STYX: variants seen among roughly 807,000 people sequenced by gnomAD.
The protein encoded by STYX is serine/threonine/tyrosine interacting protein.
In STYX, 20 loss-of-function variants were observed where a neutral mutation model predicts 42.7. That is an observed-to-expected ratio of 0.47 (90% confidence interval 0.33 to 0.68). The LOEUF (loss-of-function observed/expected upper bound fraction) is 0.68. Among genes scored for constraint, STYX ranks in the 30% least tolerant of loss-of-function variants. The pLI, the probability that STYX is intolerant of heterozygous loss-of-function variation, is 0.02. For missense variants in STYX, 226 were observed against 268.5 expected (o/e 0.84, Z 1.11); for synonymous variants, 78 against 81.9 (o/e 0.95, Z 0.26).
Position 52,774,457 on chromosome 14 carries a change from C to T in STYX, c.*3351C>T, listed in dbSNP as rs907793481. 1 of 151,704 alleles carries T rather than the reference C, an allele frequency of 6.6e-6. No individual in the cohort carries two copies. Among genetic ancestry groups the T allele is most frequent in the Non-Finnish European group, 1.5e-5 (1 of 67,946 alleles). The allele number at this position is 151,704 out of a possible 1,614,324, so 9.4% of individuals were successfully genotyped here. A position where few individuals can be genotyped will look rare whatever the true frequency, so the allele number is the denominator to read the frequency against. On this transcript the variant is annotated 3_prime_UTR_variant, in exon 11 of 11. Coordinates refer to ENST00000354586, the MANE Select transcript of STYX (RefSeq NM_145251.4). ...TAATCCCATAACAAACATAGCTTCA[C>T]CTCAGTATTTTCTTTCTTTCTTTGT...
chr14:52,733,877 T>C (rs1880833649), intron 1 of STYX, among the ~76,000 whole-genome samples: 1 of 152,204 alleles, frequency 6.6e-6, no homozygotes, highest in Non-Finnish European at 1.5e-5. Context: ...CACTCCACAG[T>C]GTGGGAGCTG....
At chr14:52,757,657 A>G in intron 6 of STYX, 86 bp from the exon 7 acceptor site, 1 of 1,186,658 alleles carries the variant, frequency 8.4e-7, no homozygotes, top group Non-Finnish European at 1.2e-6. Context: ...TATAGTATAT[A>G]AGGAGTTACT....
rs754662223 is a variant in STYX, at chr14:52,756,541, C to G, written c.243-10C>G. ...TAAAGTGTGCTTATCACAAAATACT[C>G]TATTTTCAGATATTTAGTCCTGGAT... On this transcript the variant is annotated splice_polypyrimidine_tract_variant and intron_variant, in intron 4 of 10. Transcript: ENST00000354586. 6.8e-7 allele frequency: 1 copy of G among 1,479,516 alleles called. No homozygotes were observed. Among genetic ancestry groups the G allele is most frequent in the African/African-American group, 1.4e-5 (1 of 69,820 alleles). 91.6% of individuals were successfully genotyped at this position (1,479,516 alleles called of 1,614,324 possible). A position where few individuals can be genotyped will look rare whatever the true frequency, so the allele number is the denominator to read the frequency against.
At chr14:52,766,432 G>A (rs988981952) in intron 9 of STYX, among the ~76,000 whole-genome samples, 17 of 152,102 alleles carry the variant, frequency 1.1e-4, no homozygotes, top group African/African-American at 3.9e-4. Flanking sequence ...GCCTCCCAAA[G>A]TGCTGGGATT....
chr14:52,735,900 G>T (rs956686128), intron 1 of STYX, among the ~76,000 whole-genome samples: 4 of 152,158 alleles, frequency 2.6e-5, no homozygotes, highest in Non-Finnish European at 5.9e-5. Flanking sequence ...TTTGTGAAAA[G>T]ATTGTTACTT....
intron 2 of STYX, among the ~76,000 whole-genome samples, chr14:52,745,436 A>G (rs1339916016): frequency 2.0e-5 from 3 of 152,188 alleles, no homozygotes; most frequent in Non-Finnish European, 4.4e-5. Context: ...TGCCTGGCCA[A>G]TGAGTCACTT....
At position 52,744,892 on chromosome 14, in the gene STYX, A is replaced by G. The variant is rs1354581518; in HGVS notation, c.90+8A>G. 1 of 1,612,958 alleles carries G rather than the reference A, an allele frequency of 6.2e-7. No homozygotes were observed. Among genetic ancestry groups the G allele is most frequent in the Non-Finnish European group, 8.5e-7 (1 of 1,179,606 alleles). ...ATGAGACGAGAGATGCAGGTATGGC[A>G]ACCTTTTCTTTGTTCAAACCAACCC... On this transcript the variant is annotated splice_region_variant and intron_variant, in intron 2 of 10. Transcript: ENST00000354586.
At chr14:52,747,708 A>T (rs1332024589) in intron 3 of STYX, among the ~76,000 whole-genome samples, 1 of 152,254 alleles carries the variant, frequency 6.6e-6, no homozygotes, top group Non-Finnish European at 1.5e-5. Flanking sequence ...AGTATTTATC[A>T]CATTAAATTA....
At position 52,740,598 on chromosome 14, in the gene STYX, A is replaced by C. The variant is rs576538859; in HGVS notation, c.58-4254A>C. On this transcript the variant is annotated intron_variant, in intron 1 of 10. Transcript: ENST00000354586. ...GAACATTTTAACTTTTTTTCTTTAAAGATATTTTTCCGAGCATATATTCTT... is the reference window on the plus strand; with the variant it reads ...GAACATTTTAACTTTTTTTCTTTAACGATATTTTTCCGAGCATATATTCTT... Among the ~76,000 whole-genome samples, 8 of 152,338 alleles carry C rather than the reference A, an allele frequency of 5.3e-5. No individual in the cohort carries two copies. The East Asian group carries it at 1.5e-3, about 29-fold the overall frequency.
chr14:52,750,820 G>T, intron 4 of STYX, 40 bp downstream of exon 4: 1 of 1,363,244 alleles, frequency 7.3e-7, no homozygotes. Flanking sequence ...ACTTAATGAA[G>T]TTTCATTTCA....
intron 1 of STYX, among the ~76,000 whole-genome samples, chr14:52,732,029 C>T (rs1456365314): frequency 6.7e-6 from 1 of 149,530 alleles, no homozygotes; most frequent in African/African-American, 2.5e-5. Context: ...CCCGCCTTGT[C>T]CTCCGAAAGT....
chr14:52,764,637 AT>A (rs1882228081), intron 9 of STYX, among the ~76,000 whole-genome samples: 2 of 124,376 alleles, frequency 1.6e-5, no homozygotes, highest in Non-Finnish European at 3.6e-5. Context: ...TTGTTACATA[AT>A]TTTTAAGGTT....
intron 1 of STYX, among the ~76,000 whole-genome samples, chr14:52,738,822 AAGTC>A (rs1594864787): frequency 6.6e-6 from 1 of 152,156 alleles, no homozygotes; most frequent in Non-Finnish European, 1.5e-5. Context: ...AGGAGAGTAA[AAGTC>A]AGCACCACAC....
At chr14:52,731,267 A>G (rs1880688874) in intron 1 of STYX, among the ~76,000 whole-genome samples, 1 of 152,166 alleles carries the variant, frequency 6.6e-6, no homozygotes, top group Non-Finnish European at 1.5e-5. Flanking sequence ...CTAAATTAAC[A>G]AGACGAAGAT....
At chr14:52,763,380 G>C (rs1220755287) in intron 9 of STYX, among the ~76,000 whole-genome samples, 1 of 151,730 alleles carries the variant, frequency 6.6e-6, no homozygotes, top group African/African-American at 2.4e-5. Context: ...TCTAATTTCT[G>C]CTTCCTTGGT....
chr14:52,747,307 C>T (rs963435900), intron 3 of STYX, among the ~76,000 whole-genome samples: 1 of 152,090 alleles, frequency 6.6e-6, no homozygotes, highest in Non-Finnish European at 1.5e-5. Context: ...TGTCTTTCCC[C>T]AATACTTTGC....
intron 1 of STYX, 118 bp from the exon 2 acceptor site, chr14:52,744,734 G>A: frequency 1.1e-6 from 1 of 888,506 alleles, no homozygotes; most frequent in Non-Finnish European, 1.7e-6. Context: ...TTAATAAAAT[G>A]TTCTTAAAGT....
intron 10 of STYX, among the ~76,000 whole-genome samples, chr14:52,769,417 G>A (rs1882431046): frequency 6.6e-6 from 1 of 152,062 alleles, no homozygotes; most frequent in East Asian, 1.9e-4. Flanking sequence ...AAGCACACAA[G>A]GCATTTTTAC....
intron 1 of STYX, among the ~76,000 whole-genome samples, chr14:52,735,204 C>T (rs1344774759): frequency 1.3e-5 from 2 of 152,228 alleles, no homozygotes; most frequent in South Asian, 2.1e-4. Context: ...TCTGCTTTCT[C>T]TCTGGCTTCT....
Sources: allele counts gnomAD v4.1 joint callset (sites outside exome capture counted in the v4.1 genomes callset), GRCh38; gene constraint gnomAD v4.1.1; transcripts MANE v1.5; gene names NCBI Gene and HGNC (gene_info 2026-07-23, HGNC 2026-07-21).